The following CCDC91 variants were observed in gnomAD, a reference collection of about 807,000 sequenced individuals.
CCDC91 encodes the protein coiled-coil domain containing 91.
A neutral mutation model predicts 63.2 loss-of-function variants in CCDC91; 48 were observed. The ratio of observed to expected loss-of-function variants is 0.76; its 90% CI spans 0.60 to 0.97. The LOEUF (loss-of-function observed/expected upper bound fraction) is 0.97. Ranked by LOEUF, CCDC91 falls within the 50% of genes least tolerant of loss-of-function variation. The pLI, the probability that CCDC91 is intolerant of heterozygous loss-of-function variation, is 0.00. For synonymous variants in CCDC91, 167 were observed against 165.8 expected (o/e 1.01, Z -0.06); for missense variants, 500 against 494.6 (o/e 1.01, Z -0.10).
chr12:28,227,219 T>C (rs1944326303), intron 1 of CCDC91, among the ~76,000 whole-genome samples: 1 of 152,148 alleles, frequency 6.6e-6, no homozygotes, highest in Non-Finnish European at 1.5e-5. Flanking sequence ...TTATTCTGTA[T>C]TGTACTCTTT....
At chr12:28,453,011 A>G (rs1164088242) in intron 11 of CCDC91, among the ~76,000 whole-genome samples, 3 of 151,866 alleles carry the variant, frequency 2.0e-5, no homozygotes, top group African/African-American at 7.2e-5. Flanking sequence ...CACAGACTCA[A>G]TCAATACAAA....
At chr12:28,333,865 A>G (rs549848565) in intron 6 of CCDC91, among the ~76,000 whole-genome samples, 1 of 152,072 alleles carries the variant, frequency 6.6e-6, no homozygotes, top group Non-Finnish European at 1.5e-5. Context: ...GTTTTCCAAA[A>G]TGTTTTTCTA....
chr12:28,225,250 C>T (rs1944194428), intron 1 of CCDC91, among the ~76,000 whole-genome samples: 1 of 152,152 alleles, frequency 6.6e-6, no homozygotes. Context: ...CCCCCTTGAT[C>T]TGTGAAACAG....
chr12:28,267,366 G>A (rs973208487), intron 3 of CCDC91, among the ~76,000 whole-genome samples: 5 of 150,912 alleles, frequency 3.3e-5, no homozygotes, highest in Non-Finnish European at 4.4e-5. Flanking sequence ...TTTAGTGGTC[G>A]CATAGTACTG....
intron 12 of CCDC91, among the ~76,000 whole-genome samples, chr12:28,501,625 A>G (rs2141134555): frequency 6.6e-6 from 1 of 151,006 alleles, no homozygotes; most frequent in South Asian, 2.1e-4. Context: ...TTTATTGAGG[A>G]TTTTTGCATC....
At chr12:28,348,094 C>G (rs1942937282) in intron 6 of CCDC91, among the ~76,000 whole-genome samples, 1 of 152,198 alleles carries the variant, frequency 6.6e-6, no homozygotes, top group African/African-American at 2.4e-5. Context: ...ACATTATGGG[C>G]TGCACAGTGT....
In CCDC91 at chr12:28,466,423, A is replaced by G. The variant is rs146473925; in HGVS notation, c.1101+13769A>G. ...ACACCTCAAGGCATTTAATAATCCAATTCCCAAAGATCAAGGATAAAGAAA... is the reference window on the plus strand; with the variant it reads ...ACACCTCAAGGCATTTAATAATCCAGTTCCCAAAGATCAAGGATAAAGAAA... On this transcript the variant is annotated intron_variant, in intron 11 of 12. Transcript: ENST00000536442. Among the ~76,000 whole-genome samples, 858 of 152,318 alleles carry G rather than the reference A, an allele frequency of 5.6e-3. 6 individuals are homozygous for G. Among genetic ancestry groups the G allele is most frequent in the Non-Finnish European group, 7.1e-3 (480 of 68,024 alleles).
At chr12:28,319,295 G>T (rs893228313) in intron 6 of CCDC91, 4 of 151,896 alleles carry the variant, frequency 2.6e-5, no homozygotes, top group Non-Finnish European at 4.4e-5. Context: ...CAGATTTGCA[G>T]CAGAAAAAAG....
chr12:28,488,364 G>C (rs545717822), intron 12 of CCDC91, among the ~76,000 whole-genome samples: 1 of 151,844 alleles, frequency 6.6e-6, no homozygotes, highest in East Asian at 1.9e-4. Flanking sequence ...CATAGTACTT[G>C]TAATATTAGT....
At chr12:28,504,442 C>T (rs1250162568) in intron 12 of CCDC91, among the ~76,000 whole-genome samples, 1 of 151,912 alleles carries the variant, frequency 6.6e-6, no homozygotes, top group Admixed American at 6.6e-5. Flanking sequence ...TCTAATGGAT[C>T]AGAGAACACT....
intron 6 of CCDC91, among the ~76,000 whole-genome samples, chr12:28,354,046 G>A (rs1943361671): frequency 6.6e-6 from 1 of 152,096 alleles, no homozygotes; most frequent in South Asian, 2.1e-4. Context: ...GAACTTAAAA[G>A]CATTCAATTT....
chr12:28,452,418 T>C, intron 10 of CCDC91, 60 bp from the exon 11 acceptor site: 1 of 1,164,798 alleles, frequency 8.6e-7, no homozygotes, highest in Non-Finnish European at 1.2e-6. Context: ...ACCAAGTCTG[T>C]TACTCAAGAA....
Position 28,324,272 on chromosome 12 carries a change from A to C in CCDC91, c.576+16523A>C, listed in dbSNP as rs147266296. 5.2e-4 allele frequency among the ~76,000 whole-genome samples: 79 copies of C among 151,970 alleles called. 2 individuals carry two copies. The East Asian group carries it at 0.015, about 30-fold the overall frequency. ...GAAATTCTTCAGACCCTAATTTGTA[A>C]AATTTCCTTGTGAAACTTTAAAAAA... On this transcript the variant is annotated intron_variant, in intron 6 of 12. Transcript: ENST00000536442.
At chr12:28,488,822 A>G (rs781294812) in intron 12 of CCDC91, among the ~76,000 whole-genome samples, 2 of 151,968 alleles carry the variant, frequency 1.3e-5, no homozygotes, top group South Asian at 4.1e-4. Flanking sequence ...ATTTGCATTG[A>G]AAGACCATAT....
chr12:28,515,795 A>G (rs1422016711), intron 12 of CCDC91, among the ~76,000 whole-genome samples: 2 of 151,744 alleles, frequency 1.3e-5, no homozygotes, highest in Admixed American at 1.3e-4. Context: ...TTTTTTCCTC[A>G]ATGAATTTTC....
chr12:28,260,983 C>T (rs906112456), intron 3 of CCDC91, among the ~76,000 whole-genome samples: 1 of 152,012 alleles, frequency 6.6e-6, no homozygotes, highest in African/African-American at 2.4e-5. Flanking sequence ...ATTTGATACA[C>T]ATAACTGTGT....
At chr12:28,255,930 A>G (rs1946414452) in intron 1 of CCDC91, 1 of 152,116 alleles carries the variant, frequency 6.6e-6, no homozygotes, top group Non-Finnish European at 1.5e-5. Flanking sequence ...CTTAAAGCAA[A>G]TGACCTTAGA....
At chr12:28,242,393 A>G (rs191965295) in intron 1 of CCDC91, among the ~76,000 whole-genome samples, 4 of 152,334 alleles carry the variant, frequency 2.6e-5, no homozygotes, top group Admixed American at 2.0e-4. Flanking sequence ...CTGACCAGGA[A>G]AGGAGTTAGA....
intron 8 of CCDC91, among the ~76,000 whole-genome samples, chr12:28,447,010 G>A (rs1949535542): frequency 6.6e-6 from 1 of 152,124 alleles, no homozygotes; most frequent in South Asian, 2.1e-4. Context: ...CCGTTGTCCT[G>A]TTATTGTTAG....
Sources: gnomAD v4.1 joint callset for allele counts (sites outside exome capture counted in the v4.1 genomes callset) on GRCh38, gnomAD v4.1.1 for gene constraint, MANE v1.5 for transcripts, NCBI Gene and HGNC (gene_info 2026-07-23, HGNC 2026-07-21) for gene names.